INPP4B: variants seen among roughly 807,000 people sequenced by gnomAD.
INPP4B encodes the protein inositol polyphosphate-4-phosphatase type II B, also known as inositol polyphosphate 4-phosphatase type II.
In INPP4B, 55 loss-of-function variants were observed where a neutral mutation model predicts 122.5. The observed-to-expected ratio is 0.45, with a 90% confidence interval of 0.36 to 0.56. INPP4B has a LOEUF of 0.56. INPP4B is among the 20% of genes least tolerant of loss of function. INPP4B has a pLI of 0.00. For synonymous variants in INPP4B, 403 were observed against 388.7 expected (o/e 1.04, Z -0.43); for missense variants, 1,000 against 1,097.7 (o/e 0.91, Z 1.26).
At chr4:142,368,689 T>C (rs772215150) in intron 7 of INPP4B, among the ~76,000 whole-genome samples, 37 of 148,420 alleles carry the variant, frequency 2.5e-4, no homozygotes, top group Non-Finnish European at 4.4e-4. Context: ...TGAGAGAAAA[T>C]GATGACCTAA....
At chr4:142,053,779 C>G (rs891589456) in intron 25 of INPP4B, among the ~76,000 whole-genome samples, 10 of 152,032 alleles carry the variant, frequency 6.6e-5, no homozygotes, top group Admixed American at 6.6e-4. Flanking sequence ...ATAAGAACCC[C>G]GATTCAGGTA....
intron 11 of INPP4B, among the ~76,000 whole-genome samples, chr4:142,254,335 C>T (rs368851565): frequency 8.7e-5 from 11 of 126,142 alleles, no homozygotes; most frequent in Admixed American, 5.2e-4. Flanking sequence ...TCACCAGCAA[C>T]GGAACAAAGC....
rs187361860 is a variant in INPP4B at position 142,287,539 on chromosome 4, A to G, written c.504-16765T>C. 9 of 152,232 alleles carry G rather than the reference A, an allele frequency of 5.9e-5. No homozygotes were observed. In the East Asian group the frequency reaches 1.4e-3, roughly 23 times the overall value. The allele number at this position is 152,232 out of a possible 1,614,324, so 9.4% of individuals were successfully genotyped here. On this transcript the variant is annotated intron_variant, in intron 9 of 25. Coordinates refer to ENST00000262992, the MANE Select transcript of INPP4B (RefSeq NM_001101669.3). The stretch of plus-strand genomic sequence containing the variant: ...CTTACTAAGCATTTCCGAGCATCAC[A>G]ATTAATTTACCCTCTGCCTTCTTCT...
intron 2 of INPP4B, among the ~76,000 whole-genome samples, chr4:142,644,774 C>T (rs181878698): frequency 1.5e-5 from 2 of 137,532 alleles, no homozygotes; most frequent in Non-Finnish European, 3.1e-5. Context: ...AAAATTGGCA[C>T]AGTGTAGTGG....
At chr4:142,100,928 G>A (rs1267252805) in intron 23 of INPP4B, among the ~76,000 whole-genome samples, 2 of 152,032 alleles carry the variant, frequency 1.3e-5, no homozygotes, top group Admixed American at 6.6e-5. Context: ...AGAGGAAACC[G>A]AGTATTACCA....
chr4:142,638,396 A>T (rs1749624452), intron 2 of INPP4B, among the ~76,000 whole-genome samples: 2 of 152,040 alleles, frequency 1.3e-5, no homozygotes, highest in South Asian at 4.1e-4. Flanking sequence ...GTCTAAAATA[A>T]TTTTTTGCCT....
chr4:142,778,240 T>C (rs553481852), intron 1 of INPP4B, among the ~76,000 whole-genome samples: 1 of 152,288 alleles, frequency 6.6e-6, no homozygotes, highest in African/African-American at 2.4e-5. Flanking sequence ...TTGACTTTTT[T>C]GTCTTCCTTT....
intron 2 of INPP4B, among the ~76,000 whole-genome samples, chr4:142,672,971 T>A (rs1560946392): frequency 6.6e-6 from 1 of 152,144 alleles, no homozygotes; most frequent in Non-Finnish European, 1.5e-5. Flanking sequence ...TTTTCCAGTA[T>A]CTTTTGTTAA....
Position 142,025,856 on chromosome 4 carries a change from TGA to T in INPP4B, c.*2924_*2925del, listed in dbSNP as rs1380360096. ...AATGGTTGCTCGACTCACTGAATTA[TGA>T]GGCTGACCAAACTTATGTTCAGGGA... On this transcript the variant is annotated 3_prime_UTR_variant, in exon 26 of 26. Coordinates refer to ENST00000262992, the MANE Select transcript of INPP4B (RefSeq NM_001101669.3). 2 of 152,176 alleles carry T rather than the reference TGA, an allele frequency of 1.3e-5. No individual in the cohort carries two copies. Among genetic ancestry groups the T allele is most frequent in the African/African-American group, 4.8e-5 (2 of 41,454 alleles). 9.4% of individuals were successfully genotyped at this position (152,176 alleles called of 1,614,324 possible). A position where few individuals can be genotyped will look rare whatever the true frequency, so the allele number is the denominator to read the frequency against.
At chr4:142,183,098 T>G (rs912107295) in intron 15 of INPP4B, among the ~76,000 whole-genome samples, 2 of 152,198 alleles carry the variant, frequency 1.3e-5, no homozygotes, top group African/African-American at 4.8e-5. Context: ...GAAGCTGCTC[T>G]GTGTTGCTGG....
chr4:142,380,393 A>G (rs370738895), intron 7 of INPP4B, among the ~76,000 whole-genome samples: 3 of 152,134 alleles, frequency 2.0e-5, no homozygotes, highest in African/African-American at 7.2e-5. Context: ...CCCCTCACTT[A>G]TCCCTAGGCA....
intron 2 of INPP4B, among the ~76,000 whole-genome samples, chr4:142,601,176 G>A (rs1739818702): frequency 6.6e-6 from 1 of 151,968 alleles, no homozygotes; most frequent in African/African-American, 2.4e-5. Flanking sequence ...TTGCACTTAA[G>A]CAAGAAAAAC....
At chr4:142,247,349 A>G (rs933044188) in intron 11 of INPP4B, among the ~76,000 whole-genome samples, 1 of 152,048 alleles carries the variant, frequency 6.6e-6, no homozygotes, top group African/African-American at 2.4e-5. Flanking sequence ...TATTGTTTGG[A>G]ATCGTTTCAG....
intron 2 of INPP4B, among the ~76,000 whole-genome samples, chr4:142,668,715 A>G (rs979034808): frequency 2.6e-5 from 4 of 152,174 alleles, no homozygotes; most frequent in African/African-American, 9.6e-5. Context: ...TGAACTATCC[A>G]AAAAAGAAAT....
rs575578384 is a variant in INPP4B, at chr4:142,663,154, G to A, written c.-191+62685C>T. On this transcript the variant is annotated intron_variant, in intron 2 of 25. Transcript: ENST00000262992. Reference sequence around the variant, plus strand: ...GAGAGAAAGGTATGAAGTACAATGGGTGTTTTTCTAGATCAGAAGTAGTCA... The same window carrying A: ...GAGAGAAAGGTATGAAGTACAATGGATGTTTTTCTAGATCAGAAGTAGTCA... Among the ~76,000 whole-genome samples, 21 of 152,254 alleles carry A rather than the reference G, an allele frequency of 1.4e-4. No individual in the cohort carries two copies. The South Asian group carries it at 3.5e-3, about 26-fold the overall frequency.
In INPP4B at chr4:142,414,791, C is replaced by T. The variant is rs181434843; in HGVS notation, c.137-9467G>A. 6.6e-5 allele frequency among the ~76,000 whole-genome samples: 10 copies of T among 152,276 alleles called. No individual in the cohort carries two copies. The East Asian group carries it at 7.7e-4, about 12-fold the overall frequency. On this transcript the variant is annotated intron_variant, in intron 5 of 25. Coordinates refer to ENST00000262992, the MANE Select transcript of INPP4B (RefSeq NM_001101669.3). Reference sequence around the variant, plus strand: ...CATAAATTCTAAGCTGGCCTAGCACCGCCTATCGTTGCATTCAGACTTGGC... The same window carrying T: ...CATAAATTCTAAGCTGGCCTAGCACTGCCTATCGTTGCATTCAGACTTGGC...
chr4:142,611,637 C>CTTT (rs34482115), intron 2 of INPP4B, among the ~76,000 whole-genome samples: 5 of 65,226 alleles, frequency 7.7e-5, no homozygotes, highest in East Asian at 5.2e-4. Flanking sequence ...TTTCTTTTTT[C>CTTT]TTTTTTTTTT....
At position 142,189,186 on chromosome 4, in the gene INPP4B, C is replaced by A. The variant is rs74882480; in HGVS notation, c.1181+3901G>T. On this transcript the variant is annotated intron_variant, in intron 15 of 25. Transcript: ENST00000262992. ...ACTGATCTTATAGGTGACAAGGCTT[C>A]TTTAGCTCTGTGTTGTTGTTTGCAG... is the stretch of plus-strand genomic sequence containing the variant. 8.3e-3 allele frequency among the ~76,000 whole-genome samples: 1,264 copies of A among 152,260 alleles called. 52 individuals carry two copies. In the East Asian group the frequency reaches 0.12, roughly 14 times the overall value.
At chr4:142,807,444 T>C (rs373168472) in intron 1 of INPP4B, among the ~76,000 whole-genome samples, 14 of 151,158 alleles carry the variant, frequency 9.3e-5, no homozygotes, top group African/African-American at 3.2e-4. Flanking sequence ...GCAAAGGGAG[T>C]ATGGGAGGGG....
Sources: gnomAD v4.1 joint callset for allele counts (sites outside exome capture counted in the v4.1 genomes callset) on GRCh38, gnomAD v4.1.1 for gene constraint, MANE v1.5 for transcripts, NCBI Gene and HGNC (gene_info 2026-07-23, HGNC 2026-07-21) for gene names.